LPP: variants seen among roughly 807,000 people sequenced by gnomAD.
LPP encodes the protein lipoma-preferred partner.
A neutral mutation model predicts 60.4 loss-of-function variants in LPP; 38 were observed. The ratio of observed to expected loss-of-function variants is 0.63; its 90% CI spans 0.49 to 0.83. The LOEUF is 0.83. LPP is among the 40% of genes least tolerant of loss of function. LPP has a pLI of 0.00. For missense variants in LPP, 902 were observed against 783.6 expected (o/e 1.15, Z -1.80); for synonymous variants, 328 against 290.8 (o/e 1.13, Z -1.30).
intron 7 of LPP, among the ~76,000 whole-genome samples, chr3:188,689,608 G>A (rs1006979191): frequency 6.6e-5 from 10 of 152,058 alleles, no homozygotes; most frequent in Non-Finnish European, 1.3e-4. Flanking sequence ...ATGTCCTCCA[G>A]GTTTGTTTGA....
chr3:188,696,944 T>C (rs1205668211), intron 7 of LPP, among the ~76,000 whole-genome samples: 1 of 152,220 alleles, frequency 6.6e-6, no homozygotes, highest in Non-Finnish European at 1.5e-5. Context: ...GGCTATAGTT[T>C]GCTACACTGC....
intron 9 of LPP, among the ~76,000 whole-genome samples, chr3:188,838,931 T>A (rs192962313): frequency 6.6e-6 from 1 of 152,240 alleles, no homozygotes; most frequent in African/African-American, 2.4e-5. Flanking sequence ...AAAACCTAGA[T>A]GACAGGTTGA....
chr3:188,746,148 A>G (rs970224876), intron 8 of LPP, among the ~76,000 whole-genome samples: 3 of 152,098 alleles, frequency 2.0e-5, no homozygotes, highest in African/African-American at 7.2e-5. Flanking sequence ...CCCCTTTCAG[A>G]TATTTATAGA....
chr3:188,444,008 A>C (rs956360338), intron 4 of LPP, among the ~76,000 whole-genome samples: 1 of 152,172 alleles, frequency 6.6e-6, no homozygotes, highest in South Asian at 2.1e-4. Context: ...CACTTTGCAA[A>C]TATAGTGCAT....
At chr3:188,805,525 T>C (rs1287968129) in intron 9 of LPP, among the ~76,000 whole-genome samples, 1 of 88,206 alleles carries the variant, frequency 1.1e-5, no homozygotes, top group East Asian at 5.4e-3. Flanking sequence ...TTTGTTGTGA[T>C]TTTTTTTTCA....
intron 6 of LPP, among the ~76,000 whole-genome samples, chr3:188,596,853 G>A (rs1181814647): frequency 6.6e-6 from 1 of 152,080 alleles, no homozygotes; most frequent in African/African-American, 2.4e-5. Flanking sequence ...AGCAAATATA[G>A]CCACTTGCTC....
intron 5 of LPP, among the ~76,000 whole-genome samples, chr3:188,489,818 C>T (rs1043066944): frequency 3.3e-5 from 5 of 152,134 alleles, no homozygotes; most frequent in African/African-American, 9.7e-5. Context: ...TATCTTTGTT[C>T]GTCTTTTCTT....
chr3:188,877,555 C>T lies in LPP; in HGVS notation c.*3076C>T, dbSNP rs749305999. ...GGCCAAGAAAATTGCCTTTAAAACT[C>T]GAAAATAAGGCCAGGTGTGGTGACT... On this transcript the variant is annotated 3_prime_UTR_variant, in exon 12 of 12. Coordinates refer to ENST00000617246, the MANE Select transcript of LPP (RefSeq NM_001375462.1). 2.1e-5 allele frequency: 4 copies of T among 186,568 alleles called. No individual in the cohort carries two copies. The highest frequency in any genetic ancestry group is 2.3e-5 in the African/African-American group (1 of 42,702). 11.6% of individuals were successfully genotyped at this position (186,568 alleles called of 1,614,324 possible). A position where few individuals can be genotyped will look rare whatever the true frequency, so the allele number is the denominator to read the frequency against.
At chr3:188,208,953 T>C (rs943089485) in intron 1 of LPP, among the ~76,000 whole-genome samples, 4 of 152,232 alleles carry the variant, frequency 2.6e-5, no homozygotes, top group African/African-American at 9.6e-5. Context: ...CCTTACACTT[T>C]TATAATGCCT....
At chr3:188,475,895 T>C (rs1041460840) in intron 4 of LPP, among the ~76,000 whole-genome samples, 1 of 152,078 alleles carries the variant, frequency 6.6e-6, no homozygotes. Context: ...AGAGCAAAAC[T>C]CTGTCTCAAA....
chr3:188,324,564 C>T (rs1003070778), intron 2 of LPP, among the ~76,000 whole-genome samples: 3 of 152,200 alleles, frequency 2.0e-5, no homozygotes, highest in Non-Finnish European at 4.4e-5. Flanking sequence ...TTGGCCAGTG[C>T]GTGTTTGTTC....
At chr3:188,859,381 C>T (rs1056364610) in intron 9 of LPP, among the ~76,000 whole-genome samples, 1 of 152,166 alleles carries the variant, frequency 6.6e-6, no homozygotes. Flanking sequence ...ACTGCCTGCT[C>T]TCTCACCATT....
chr3:188,320,391 C>G (rs962991404), intron 2 of LPP, among the ~76,000 whole-genome samples: 4 of 152,216 alleles, frequency 2.6e-5, no homozygotes, highest in Admixed American at 6.5e-5. Flanking sequence ...CCTGCAGTCT[C>G]AACTCTGGGG....
intron 1 of LPP, among the ~76,000 whole-genome samples, chr3:188,190,603 A>G (rs1473162760): frequency 6.6e-6 from 1 of 152,246 alleles, no homozygotes; most frequent in African/African-American, 2.4e-5. Flanking sequence ...CAGACAACAA[A>G]GTAAACAGGT....
At chr3:188,626,399 A>T (rs1846842922) in intron 7 of LPP, among the ~76,000 whole-genome samples, 1 of 152,066 alleles carries the variant, frequency 6.6e-6, no homozygotes, top group Admixed American at 6.6e-5. Context: ...TATATAAGGG[A>T]TTTGAGCATC....
intron 2 of LPP, among the ~76,000 whole-genome samples, chr3:188,277,507 T>A (rs1740407364): frequency 6.6e-6 from 1 of 152,220 alleles, no homozygotes. Context: ...CATGACTCTT[T>A]ATCTGAGTTT....
At chr3:188,565,852 C>G (rs1832010937) in intron 6 of LPP, among the ~76,000 whole-genome samples, 1 of 151,920 alleles carries the variant, frequency 6.6e-6, no homozygotes, top group African/African-American at 2.4e-5. Flanking sequence ...ATAGAAGTTT[C>G]TTAGCTCACA....
In LPP at chr3:188,874,773, G is replaced by A; in HGVS notation, c.*294G>A. The stretch of plus-strand genomic sequence containing the variant: ...CATTCCTGTAACTTTTAATCCCTAT[G>A]TTTGTCTCACTTTTCATCTGGTTGA... On this transcript the variant is annotated 3_prime_UTR_variant, in exon 12 of 12. Transcript: ENST00000617246. The A allele has an allele frequency of 3.6e-6, 1 of 280,980 alleles. No individual in the cohort carries two copies. The highest frequency in any genetic ancestry group is 6.7e-6 in the Non-Finnish European group (1 of 148,496). The allele number at this position is 280,980 out of a possible 1,614,324, so 17.4% of individuals were successfully genotyped here.
chr3:188,803,157 G>A (rs1251926798), intron 9 of LPP, among the ~76,000 whole-genome samples: 4 of 147,936 alleles, frequency 2.7e-5, no homozygotes, highest in Admixed American at 6.9e-5. Context: ...CAAATCTTGT[G>A]CTTCAACCAC....
Sources: gnomAD v4.1 joint callset for allele counts (sites outside exome capture counted in the v4.1 genomes callset) on GRCh38, gnomAD v4.1.1 for gene constraint, MANE v1.5 for transcripts, NCBI Gene and HGNC (gene_info 2026-07-23, HGNC 2026-07-21) for gene names.